PAMR1: variants seen among roughly 807,000 people sequenced by gnomAD.
PAMR1 encodes the protein peptidase domain containing associated with muscle regeneration 1.
Under a neutral mutation model 81.8 loss-of-function variants are expected in PAMR1, and 88 were observed. The observed-to-expected ratio is 1.08, with a 90% CI of 0.91 to 1.28. The LOEUF is 1.28. PAMR1 is among the 50% of genes most tolerant of loss of function. PAMR1 has a pLI of 0.00. For missense variants in PAMR1, 935 were observed against 919.7 expected (o/e 1.02, Z -0.21); for synonymous variants, 336 against 345.3 (o/e 0.97, Z 0.30).
At chr11:35,454,947 AGAT>A (rs1310914939) in intron 6 of PAMR1, among the ~76,000 whole-genome samples, 1 of 152,228 alleles carries the variant, frequency 6.6e-6, no homozygotes, top group African/African-American at 2.4e-5. Flanking sequence ...ATCTGCCATG[AGAT>A]GATTCCCTCT....
intron 1 of PAMR1, among the ~76,000 whole-genome samples, chr11:35,523,028 A>G (rs1324696253): frequency 6.6e-6 from 1 of 152,120 alleles, no homozygotes; most frequent in Admixed American, 6.6e-5. Context: ...TCATTAAATT[A>G]TTTTCCTGTT....
upstream of PAMR1, among the ~76,000 whole-genome samples, chr11:35,526,655 G>A (rs974175263): frequency 2.0e-5 from 3 of 152,214 alleles, no homozygotes; most frequent in Non-Finnish European, 4.4e-5. Flanking sequence ...CAGAGCCAGG[G>A]TTTGAACCCG....
At chr11:35,465,041 A>G (rs1205674610) in intron 6 of PAMR1, among the ~76,000 whole-genome samples, 1 of 152,236 alleles carries the variant, frequency 6.6e-6, no homozygotes, top group Non-Finnish European at 1.5e-5. Flanking sequence ...GAGTCTCACC[A>G]AGACATACAG....
At chr11:35,496,189 C>T (rs964420894) in intron 1 of PAMR1, among the ~76,000 whole-genome samples, 1 of 152,200 alleles carries the variant, frequency 6.6e-6, no homozygotes, top group Non-Finnish European at 1.5e-5. Context: ...GAGTAAATCT[C>T]CATCCATGAT....
At chr11:35,463,268 C>A (rs928001051) in intron 6 of PAMR1, among the ~76,000 whole-genome samples, 1 of 152,176 alleles carries the variant, frequency 6.6e-6, no homozygotes, top group African/African-American at 2.4e-5. Flanking sequence ...TCAGAGACTC[C>A]AAAACCCAAA....
At chr11:35,466,720 C>G (rs1164147586) in intron 6 of PAMR1, among the ~76,000 whole-genome samples, 1 of 91,824 alleles carries the variant, frequency 1.1e-5, no homozygotes, top group Non-Finnish European at 2.0e-5. Flanking sequence ...GAGAGAGGCT[C>G]TATCTCAAAA....
chr11:35,522,519 G>A (rs1374273056), intron 1 of PAMR1, among the ~76,000 whole-genome samples: 4 of 152,148 alleles, frequency 2.6e-5, no homozygotes, highest in Non-Finnish European at 2.9e-5. Context: ...GTTATAGCAC[G>A]TATCAGAATA....
intron 1 of PAMR1, among the ~76,000 whole-genome samples, chr11:35,515,677 A>C (rs1037912780): frequency 2.6e-5 from 4 of 152,140 alleles, no homozygotes; most frequent in African/African-American, 9.7e-5. Context: ...TATCCCTCAC[A>C]TGCCTACAAG....
At chr11:35,433,288 T>A (rs1357062245) in intron 10 of PAMR1, among the ~76,000 whole-genome samples, 4 of 152,198 alleles carry the variant, frequency 2.6e-5, no homozygotes, top group African/African-American at 7.2e-5. Flanking sequence ...AAATAAATGA[T>A]TAAAAATATG....
At chr11:35,480,066 C>T (rs1463388882) in intron 3 of PAMR1, among the ~76,000 whole-genome samples, 2 of 152,190 alleles carry the variant, frequency 1.3e-5, no homozygotes, top group African/African-American at 4.8e-5. Context: ...CTGCCTCCCC[C>T]ATGACGCAGT....
At chr11:35,473,183 G>A (rs191992155) in intron 4 of PAMR1, among the ~76,000 whole-genome samples, 3 of 152,268 alleles carry the variant, frequency 2.0e-5, no homozygotes, top group African/African-American at 4.8e-5. Context: ...CTGGGCTTTG[G>A]GGCTGAACAT....
rs779088676 is a variant in PAMR1, at chr11:35,470,684, A to G, written c.629T>C (p.Ile210Thr). The change falls in exon 5 of 11, where the codon ATA (isoleucine) becomes ACA (threonine). Residue 210 changes from isoleucine (I) to threonine (T), a missense_variant. By Grantham distance (89) the Ile-to-Thr change is moderately conservative (BLOSUM62 -1). Transcript: ENST00000619888. ...GNERPAPIQS[I>T]GSSLHVLFHS... is the part of the protein sequence containing the mutation. ...GAAGAGGACGTGGAGTGAGGATCCT[A>G]TGCTCTGGATAGGAGCTGGCCGCTC... 2.7e-5 allele frequency: 44 copies of G among 1,614,048 alleles called. No individual in the cohort carries two copies. The highest frequency in any genetic ancestry group is 3.6e-5 in the Non-Finnish European group (43 of 1,180,024).
At chr11:35,487,510 C>G (rs1230384213) in intron 3 of PAMR1, among the ~76,000 whole-genome samples, 1 of 152,232 alleles carries the variant, frequency 6.6e-6, no homozygotes, top group African/African-American at 2.4e-5. Context: ...AGAGCATCAG[C>G]CAACGTCCTA....
At chr11:35,447,199 T>TC (rs1590324238) in intron 6 of PAMR1, among the ~76,000 whole-genome samples, 1 of 143,328 alleles carries the variant, frequency 7.0e-6, no homozygotes, top group African/African-American at 2.5e-5. Context: ...TTTTCCTCCA[T>TC]CCCTTTTTTT....
chr11:35,496,918 C>T (rs564499581), intron 1 of PAMR1, among the ~76,000 whole-genome samples: 41 of 152,196 alleles, frequency 2.7e-4, no homozygotes, highest in Non-Finnish European at 5.3e-4. Context: ...GTAATCCCAA[C>T]ACTTTGGGAG....
rs75012957 is a variant in PAMR1 at position 35,433,773 on chromosome 11, C to T, written c.1626+739G>A. Reference sequence around the variant, plus strand: ...ATGGATGGATGGATGGATGGATAGACGGATGGATGGATCGATGGCTGGATG... The same window carrying T: ...ATGGATGGATGGATGGATGGATAGATGGATGGATGGATCGATGGCTGGATG... On this transcript the variant is annotated intron_variant, in intron 10 of 10. Coordinates refer to ENST00000619888, the MANE Select transcript of PAMR1 (RefSeq NM_001001991.3). 9.7e-3 allele frequency among the ~76,000 whole-genome samples: 1,010 copies of T among 104,186 alleles called. 5 individuals carry two copies. Among genetic ancestry groups the T allele is most frequent in the African/African-American group, 0.033 (862 of 26,250 alleles). The allele number at this position is 104,186 out of a possible 152,430, so 68.4% of individuals were successfully genotyped here.
intron 1 of PAMR1, among the ~76,000 whole-genome samples, chr11:35,494,991 G>A (rs770341859): frequency 7.3e-5 from 9 of 123,552 alleles, no homozygotes; most frequent in Admixed American, 2.4e-4. Context: ...CACTGTTTAC[G>A]ACTACATAGG....
At chr11:35,521,032 C>T (rs903696146) in intron 1 of PAMR1, among the ~76,000 whole-genome samples, 5 of 152,148 alleles carry the variant, frequency 3.3e-5, no homozygotes, top group African/African-American at 7.2e-5. Context: ...GAGGGACTTA[C>T]GCGCTCTAGG....
chr11:35,529,510 C>T (rs1314646018), upstream of PAMR1, among the ~76,000 whole-genome samples: 1 of 152,210 alleles, frequency 6.6e-6, no homozygotes, highest in East Asian at 1.9e-4. Context: ...ATGTTGAATG[C>T]AGATGGACCA....
Sources: allele counts gnomAD v4.1 joint callset (sites outside exome capture counted in the v4.1 genomes callset), GRCh38; gene constraint gnomAD v4.1.1; transcripts MANE v1.5; gene names NCBI Gene and HGNC (gene_info 2026-07-23, HGNC 2026-07-21).